ECM2: variants seen among roughly 807,000 people sequenced by gnomAD.
ECM2 encodes extracellular matrix protein 2, female organ and adipocyte specific.
In ECM2, 57 loss-of-function variants were observed where a neutral mutation model predicts 67.5. That is an observed-to-expected ratio of 0.84 (90% CI 0.68 to 1.05). The LOEUF is 1.05. ECM2 is among the 50% of genes least tolerant of loss of function. The pLI is 0.00. For missense variants in ECM2, 741 were observed against 822.8 expected (o/e 0.90, Z 1.22); for synonymous variants, 258 against 294.5 (o/e 0.88, Z 1.27).
At chr9:92,510,643 C>A (rs1340992431) in intron 5 of ECM2, among the ~76,000 whole-genome samples, 1 of 152,196 alleles carries the variant, frequency 6.6e-6, no homozygotes, top group Non-Finnish European at 1.5e-5. Context: ...CTAGCCTGTA[C>A]CCCCACAAGT....
chr9:92,538,085 A>G (rs1849233006), upstream of ECM2, among the ~76,000 whole-genome samples: 1 of 152,188 alleles, frequency 6.6e-6, no homozygotes, highest in Admixed American at 6.5e-5. Context: ...TTTCACCTCT[A>G]GGAACCCATT....
chr9:92,551,333 A>G, the ECM2 span, among the ~76,000 whole-genome samples: 1 of 152,036 alleles, frequency 6.6e-6, no homozygotes, highest in Non-Finnish European at 1.5e-5. Context: ...CCCCAAAATG[A>G]CGTCTGATGC....
chr9:92,523,027 A>G (rs1348895775), intron 1 of ECM2, 134 bp from the exon 2 acceptor site: 9 of 862,678 alleles, frequency 1.0e-5, no homozygotes, highest in East Asian at 8.5e-5. Flanking sequence ...ACTATATGCT[A>G]TAGTATTATT....
chr9:92,540,663 C>T (rs1036621400), upstream of ECM2, among the ~76,000 whole-genome samples: 7 of 146,232 alleles, frequency 4.8e-5, no homozygotes, highest in Non-Finnish European at 7.5e-5. Context: ...CGCAGCTACT[C>T]GGGAGGCTGA....
the ECM2 span, among the ~76,000 whole-genome samples, chr9:92,541,956 G>T: frequency 6.6e-6 from 1 of 152,176 alleles, no homozygotes; most frequent in South Asian, 2.1e-4. Context: ...GCCGCACCCA[G>T]CTAATTTTTG....
At chr9:92,518,998 A>T (rs1847900438) in intron 2 of ECM2, among the ~76,000 whole-genome samples, 1 of 152,234 alleles carries the variant, frequency 6.6e-6, no homozygotes, top group Non-Finnish European at 1.5e-5. Flanking sequence ...GCCATTAGAA[A>T]GCTGAGGAGA....
At chr9:92,499,050 T>G (rs1846521968) in intron 9 of ECM2, among the ~76,000 whole-genome samples, 1 of 152,154 alleles carries the variant, frequency 6.6e-6, no homozygotes, top group Non-Finnish European at 1.5e-5. Context: ...GGCCAAGCTC[T>G]TTGGAGGAAG....
At chr9:92,517,520 C>T (rs1847801960) in intron 3 of ECM2, 167 bp downstream of exon 3, 1 of 869,120 alleles carries the variant, frequency 1.2e-6, no homozygotes, top group South Asian at 1.6e-5. Context: ...ATATCCCCTA[C>T]CATACATTTT....
In ECM2 at chr9:92,495,402, A is replaced by C. The variant is rs970301265; in HGVS notation, c.*913T>G. The C allele has an allele frequency of 1.0e-6, 1 of 984,976 alleles. No individual in the cohort carries two copies. The highest frequency in any genetic ancestry group is 1.7e-5 in the African/African-American group (1 of 57,228). 61.0% of individuals were successfully genotyped at this position (984,976 alleles called of 1,614,324 possible). A position where few individuals can be genotyped will look rare whatever the true frequency, so the allele number is the denominator to read the frequency against. On this transcript the variant is annotated 3_prime_UTR_variant, in exon 10 of 10. Coordinates refer to ENST00000344604, the MANE Select transcript of ECM2 (RefSeq NM_001393.4). Reference sequence around the variant, plus strand: ...TATTTCAATTGAACCGAATAAAATGATGTATTTCAGTAAATTAAGGCAAAG... The same window carrying C: ...TATTTCAATTGAACCGAATAAAATGCTGTATTTCAGTAAATTAAGGCAAAG...
At chr9:92,525,871 G>A (rs73522321) in intron 1 of ECM2, among the ~76,000 whole-genome samples, 3,564 of 131,852 alleles carry the variant, frequency 0.027, 154 homozygotes, top group African/African-American at 0.097. Flanking sequence ...ACCATGCCCA[G>A]AGTGCAGAGA....
In ECM2 at chr9:92,495,821, G is replaced by C; in HGVS notation, c.*494C>G. 1.0e-6 allele frequency: 1 copy of C among 958,102 alleles called. No individual in the cohort carries two copies. Among genetic ancestry groups the C allele is most frequent in the Non-Finnish European group, 1.2e-6 (1 of 805,172 alleles). 59.4% of individuals were successfully genotyped at this position (958,102 alleles called of 1,614,324 possible). On this transcript the variant is annotated 3_prime_UTR_variant, in exon 10 of 10. Coordinates refer to ENST00000344604, the MANE Select transcript of ECM2 (RefSeq NM_001393.4). ...CCAATATTCAGTTATATTTATACCA[G>C]TAATTATAGCACAGGACCTTATAAG...
upstream of ECM2, chr9:92,536,208 G>A: frequency 2.8e-6 from 1 of 355,872 alleles, no homozygotes. Flanking sequence ...GAAAACAGCA[G>A]TGGGTGTGGG....
upstream of ECM2, among the ~76,000 whole-genome samples, chr9:92,540,369 C>G (rs1042125631): frequency 1.4e-5 from 2 of 146,976 alleles, no homozygotes; most frequent in African/African-American, 5.1e-5. Flanking sequence ...ACCCAGGCGG[C>G]AAAGGTCGCA....
Position 92,501,039 on chromosome 9 carries a change from A to G in ECM2, c.1619T>C (p.Ile540Thr), listed in dbSNP as rs376628552. The change falls in exon 9 of 10, where the codon ATT (isoleucine) becomes ACT (threonine). Residue 540 changes from isoleucine to threonine, a missense_variant. Physicochemically the swap from Ile to Thr is moderately conservative, Grantham distance 89 (BLOSUM62 -1). Transcript: ENST00000344604. ...AWINQENLES[I>T]DLSYNKLYHV... ...ATAGAGCTTGTTGTAGGAGAGATCA[A>G]TGGATTCTAGATTTCTGCAGCAAAG... 6 of 1,612,652 alleles carry G rather than the reference A, an allele frequency of 3.7e-6. No homozygotes were observed. The African/African-American group carries it at 4.0e-5, about 11-fold the overall frequency.
chr9:92,556,518 G>T, the ECM2 span, among the ~76,000 whole-genome samples: 2 of 152,218 alleles, frequency 1.3e-5, no homozygotes, highest in Non-Finnish European at 2.9e-5. Context: ...GAGCACCAGT[G>T]TTAGGTGCAA....
At chr9:92,519,176 G>T (rs955203204) in intron 2 of ECM2, among the ~76,000 whole-genome samples, 3 of 151,960 alleles carry the variant, frequency 2.0e-5, no homozygotes, top group African/African-American at 7.3e-5. Flanking sequence ...TCTCTCATTC[G>T]AATACTTGCA....
chr9:92,543,399 G>A, the ECM2 span, among the ~76,000 whole-genome samples: 3 of 149,792 alleles, frequency 2.0e-5, no homozygotes, highest in African/African-American at 7.4e-5. Context: ...TTGAACCTGG[G>A]AGGTGGAGGT....
chr9:92,522,497 C>T, intron 2 of ECM2, 78 bp downstream of exon 2: 1 of 1,330,888 alleles, frequency 7.5e-7, no homozygotes, highest in East Asian at 2.6e-5. Flanking sequence ...CTCCCTCTCT[C>T]CCTCTCTCCT....
the ECM2 span, among the ~76,000 whole-genome samples, chr9:92,546,955 A>C: frequency 2.6e-5 from 4 of 152,166 alleles, no homozygotes; most frequent in Non-Finnish European, 5.9e-5. Flanking sequence ...CAGCATAACT[A>C]TATTACAAAC....
Sources: allele counts gnomAD v4.1 joint callset (sites outside exome capture counted in the v4.1 genomes callset), GRCh38; gene constraint gnomAD v4.1.1; transcripts MANE v1.5; gene names NCBI Gene and HGNC (gene_info 2026-07-23, HGNC 2026-07-21).